Variants in CFAP299 observed in about 807,000 individuals in gnomAD.
The protein encoded by CFAP299 is cilia- and flagella-associated protein 299.
A neutral mutation model predicts 27.0 loss-of-function variants in CFAP299; 21 were observed. The observed-to-expected ratio is 0.78, with a 90% confidence interval of 0.55 to 1.12. The LOEUF (loss-of-function observed/expected upper bound fraction) is 1.12. Ranked by LOEUF, CFAP299 falls within the 50% of genes most tolerant of loss-of-function variation. The pLI, the probability that CFAP299 is intolerant of heterozygous loss-of-function variation, is 0.00. For missense variants in CFAP299, 310 were observed against 276.6 expected, an observed-to-expected ratio of 1.12 and a Z score of -0.86; for synonymous variants, 104 against 98.1, an observed-to-expected ratio of 1.06 and a Z score of -0.36.
intron 3 of CFAP299, among the ~76,000 whole-genome samples, chr4:80,836,583 C>G (rs1481917216): frequency 6.6e-6 from 1 of 152,232 alleles, no homozygotes; most frequent in South Asian, 2.1e-4. Context: ...AAAGGTTGTT[C>G]CTCTTATAAG....
intron 1 of CFAP299, among the ~76,000 whole-genome samples, chr4:80,349,917 GAGTC>G (rs1308389947): frequency 2.0e-5 from 3 of 152,132 alleles, no homozygotes; most frequent in Non-Finnish European, 2.9e-5. Flanking sequence ...TATTTGAAAA[GAGTC>G]AGAATATAAT....
intron 2 of CFAP299, among the ~76,000 whole-genome samples, chr4:80,413,484 C>T (rs981760890): frequency 5.9e-5 from 9 of 152,250 alleles, no homozygotes; most frequent in Middle Eastern, 3.4e-3. Context: ...TTGGTACCTA[C>T]AGACTTTTGA....
Position 80,356,654 on chromosome 4 carries a change from A to G in CFAP299, c.112-6100A>G, listed in dbSNP as rs185247930. ...CTCTGCTTGTCTGTTGTTGGTGTTT[A>G]GGAATGCTTGTGATTTCTGTACATT... On this transcript the variant is annotated intron_variant, in intron 1 of 5. Transcript: ENST00000358105. Among the ~76,000 whole-genome samples the G allele has an allele frequency of 1.4e-3, 215 of 152,156 alleles. 1 individual carries two copies. The South Asian group carries it at 0.026, about 19-fold the overall frequency.
At position 80,385,013 on chromosome 4, in the gene CFAP299, GT is replaced by G. The variant is rs1415485944; in HGVS notation, c.242+22133del. 2.6e-5 allele frequency among the ~76,000 whole-genome samples: 4 copies of G among 152,086 alleles called. No homozygotes were observed. The East Asian group carries it at 7.7e-4, about 29-fold the overall frequency. ...ATATGTTTAGGGTATAAAAAGTGATGTTTTGTTATATGTATACATTGTGGAA... is the reference window on the plus strand; with the variant it reads ...ATATGTTTAGGGTATAAAAAGTGATGTTTGTTATATGTATACATTGTGGAA... On this transcript the variant is annotated intron_variant, in intron 2 of 5. Transcript: ENST00000358105.
chr4:80,511,866 A>G (rs1732321666), intron 2 of CFAP299, among the ~76,000 whole-genome samples: 2 of 152,146 alleles, frequency 1.3e-5, no homozygotes, highest in Middle Eastern at 3.2e-3. Flanking sequence ...CTTAATGGTA[A>G]ATTATCTTAG....
chr4:80,448,348 C>T (rs1228907294), intron 2 of CFAP299, among the ~76,000 whole-genome samples: 1 of 152,172 alleles, frequency 6.6e-6, no homozygotes, highest in Non-Finnish European at 1.5e-5. Context: ...AAACTATAAT[C>T]ATCATCCTAT....
chr4:80,651,631 C>T (rs1740303216), intron 3 of CFAP299, among the ~76,000 whole-genome samples: 1 of 151,178 alleles, frequency 6.6e-6, no homozygotes, highest in Non-Finnish European at 1.5e-5. Flanking sequence ...TCCCAAAGTG[C>T]TGGAATTACA....
rs147223453 is a variant in CFAP299, at chr4:80,853,112, C to A, written c.334-16881C>A. Among the ~76,000 whole-genome samples, 14 of 152,230 alleles carry A rather than the reference C, an allele frequency of 9.2e-5. No individual in the cohort carries two copies. The East Asian group carries it at 2.3e-3, about 25-fold the overall frequency. On this transcript the variant is annotated intron_variant, in intron 3 of 5. Transcript: ENST00000358105. ...GTGGCATGATCTTGGCTCACTGCAA[C>A]CTCCGCCTCCAGGATTCAATTAATT...
At chr4:80,777,347 C>T (rs1279355624) in intron 3 of CFAP299, among the ~76,000 whole-genome samples, 4 of 152,082 alleles carry the variant, frequency 2.6e-5, no homozygotes, top group Non-Finnish European at 5.9e-5. Flanking sequence ...CCTGAATCTA[C>T]TCATTTCTAT....
intron 5 of CFAP299, among the ~76,000 whole-genome samples, chr4:80,956,370 C>T (rs1738068377): frequency 6.6e-6 from 1 of 152,012 alleles, no homozygotes; most frequent in South Asian, 2.1e-4. Context: ...ATTTTATTTG[C>T]TCCAGTCATT....
At chr4:80,536,559 C>A (rs546061423) in intron 2 of CFAP299, among the ~76,000 whole-genome samples, 1 of 152,146 alleles carries the variant, frequency 6.6e-6, no homozygotes, top group Admixed American at 6.5e-5. Context: ...AGAAATAAAT[C>A]CCCACATTTA....
At chr4:80,845,648 A>G (rs1263810940) in intron 3 of CFAP299, among the ~76,000 whole-genome samples, 1 of 152,164 alleles carries the variant, frequency 6.6e-6, no homozygotes, top group Non-Finnish European at 1.5e-5. Context: ...AGTTTCAAGT[A>G]AAACAATTTC....
intron 2 of CFAP299, among the ~76,000 whole-genome samples, chr4:80,423,236 A>G (rs1240746924): frequency 6.6e-6 from 1 of 152,224 alleles, no homozygotes; most frequent in African/African-American, 2.4e-5. Context: ...TGCCATCTAT[A>G]TGTAAATAAC....
chr4:80,942,270 G>A (rs1003128760), intron 4 of CFAP299, among the ~76,000 whole-genome samples: 2 of 152,136 alleles, frequency 1.3e-5, no homozygotes, highest in African/African-American at 4.8e-5. Flanking sequence ...CCAGTAGTAC[G>A]TGGGACAAAG....
intron 3 of CFAP299, among the ~76,000 whole-genome samples, chr4:80,707,652 G>A (rs1235103461): frequency 6.6e-6 from 1 of 151,944 alleles, no homozygotes; most frequent in Admixed American, 6.6e-5. Flanking sequence ...CTTTATTACT[G>A]TAGCCCAATA....
intron 4 of CFAP299, among the ~76,000 whole-genome samples, chr4:80,919,018 C>G (rs1735905242): frequency 6.6e-6 from 1 of 152,038 alleles, no homozygotes; most frequent in Non-Finnish European, 1.5e-5. Flanking sequence ...AAAAGCCCCC[C>G]AGAACAGCAA....
intron 4 of CFAP299, among the ~76,000 whole-genome samples, chr4:80,927,867 C>T (rs1736383231): frequency 6.6e-6 from 1 of 152,104 alleles, no homozygotes; most frequent in African/African-American, 2.4e-5. Context: ...CTGACAAAGT[C>T]AGCAAAGTCC....
At chr4:80,841,922 G>A (rs1403862574) in intron 3 of CFAP299, among the ~76,000 whole-genome samples, 2 of 152,020 alleles carry the variant, frequency 1.3e-5, no homozygotes, top group Admixed American at 6.6e-5. Flanking sequence ...AAGACAACCC[G>A]GGATATCTTT....
At chr4:80,627,867 C>T (rs1738990082) in intron 3 of CFAP299, among the ~76,000 whole-genome samples, 2 of 151,936 alleles carry the variant, frequency 1.3e-5, no homozygotes, top group South Asian at 2.1e-4. Context: ...ATTCTTTGTT[C>T]ATAGATTGGA....
Sources: allele counts gnomAD v4.1 joint callset (sites outside exome capture counted in the v4.1 genomes callset), GRCh38; gene constraint gnomAD v4.1.1; transcripts MANE v1.5; gene names NCBI Gene and HGNC (gene_info 2026-07-23, HGNC 2026-07-21).